Variants in RANBP2 observed in about 807,000 individuals in gnomAD.
RANBP2 encodes the protein E3 SUMO-protein ligase RanBP2.
Under a neutral mutation model 303.6 loss-of-function variants are expected in RANBP2, and 57 were observed. That is an observed-to-expected ratio of 0.19 (90% CI 0.15 to 0.23). The LOEUF is 0.23. RANBP2 is among the 10% of genes least tolerant of loss of function. The probability of loss-of-function intolerance (pLI) is 1.00; values close to 1 mark genes in which losing one functional copy is unlikely to be tolerated. For missense variants in RANBP2, 3,138 were observed against 3,780.8 expected (o/e 0.83, Z 4.46); for synonymous variants, 1,167 against 1,301.5 (o/e 0.90, Z 2.23).
the RANBP2 span, chr2:109,565,715 A>C: frequency 1.4e-6 from 2 of 1,454,648 alleles, no homozygotes; most frequent in South Asian, 2.3e-5. Context: ...GGTAGCTTTG[A>C]GATTACTAGA....
At chr2:109,316,721 A>T in the RANBP2 span, among the ~76,000 whole-genome samples, 11 of 152,174 alleles carry the variant, frequency 7.2e-5, no homozygotes, top group Non-Finnish European at 1.5e-4. Context: ...GGTTTGGACA[A>T]ATCTATAATG....
At chr2:109,614,909 C>T in the RANBP2 span, 1 of 1,451,804 alleles carries the variant, frequency 6.9e-7, no homozygotes, top group South Asian at 1.4e-5. Flanking sequence ...GAGAGCCCCC[C>T]GCCCCCGCGC....
At chr2:109,449,143 C>G in the RANBP2 span, 1 of 1,606,328 alleles carries the variant, frequency 6.2e-7, no homozygotes, top group East Asian at 2.2e-5. Flanking sequence ...ACCTTTCAAC[C>G]TGCTGTCTCT....
At chr2:108,871,370 T>TAAAAAAAAAAAAAAAAAAAAAAAAAA in the RANBP2 span, among the ~76,000 whole-genome samples, 1 of 76,672 alleles carries the variant, frequency 1.3e-5, no homozygotes, top group South Asian at 4.5e-4. Context: ...CCAACTCTAT[T>TAAAAAAAAAAAAAAAAAAAAAAAAAA]AAAAAAAAAA....
At chr2:109,117,735 T>C in the RANBP2 span, among the ~76,000 whole-genome samples, 1 of 121,328 alleles carries the variant, frequency 8.2e-6, no homozygotes, top group Admixed American at 9.8e-5. Context: ...GTCGCTCACG[T>C]TGGGAGCTGT....
chr2:109,486,545 A>G, the RANBP2 span, among the ~76,000 whole-genome samples: 4 of 152,376 alleles, frequency 2.6e-5, no homozygotes, highest in Non-Finnish European at 4.4e-5. Context: ...CCAGATATTG[A>G]TGAGATGCAT....
chr2:109,065,378 G>C, the RANBP2 span, among the ~76,000 whole-genome samples: 2 of 152,026 alleles, frequency 1.3e-5, no homozygotes, highest in Admixed American at 1.3e-4. Flanking sequence ...GCTTATCTTT[G>C]TGTGCGTGTT....
chr2:108,893,996 A>G, the RANBP2 span, among the ~76,000 whole-genome samples: 1 of 151,304 alleles, frequency 6.6e-6, no homozygotes, highest in African/African-American at 2.4e-5. Context: ...TCTGTTATCT[A>G]TCTAGGTTGA....
chr2:109,170,301 T>C, the RANBP2 span, among the ~76,000 whole-genome samples: 66 of 111,214 alleles, frequency 5.9e-4, 2 homozygotes, highest in African/African-American at 2.0e-3. Context: ...TCTCTTCTCT[T>C]CTCTTCTCTT....
At chr2:108,830,198 A>G in the RANBP2 span, among the ~76,000 whole-genome samples, 1 of 152,186 alleles carries the variant, frequency 6.6e-6, no homozygotes, top group South Asian at 2.1e-4. Flanking sequence ...TGCATGCAGT[A>G]CCTAGAATAG....
the RANBP2 span, among the ~76,000 whole-genome samples, chr2:109,102,575 A>AC: frequency 6.6e-6 from 1 of 152,168 alleles, no homozygotes; most frequent in East Asian, 1.9e-4. Flanking sequence ...TAGCACTTAG[A>AC]TATTTTTCTC....
the RANBP2 span, among the ~76,000 whole-genome samples, chr2:109,376,716 C>T: frequency 3.9e-5 from 6 of 152,214 alleles, no homozygotes; most frequent in African/African-American, 1.4e-4. Context: ...TTGGCTGCTC[C>T]CTGTGTTGCT....
At chr2:108,723,737 CTTG>C (rs764811618) in intron 1 of RANBP2, among the ~76,000 whole-genome samples, 10 of 152,012 alleles carry the variant, frequency 6.6e-5, no homozygotes, top group Admixed American at 1.3e-4. Context: ...TTGAATTGCC[CTTG>C]TTGTGCGGTT....
At chr2:109,540,745 G>A in the RANBP2 span, among the ~76,000 whole-genome samples, 1 of 140,876 alleles carries the variant, frequency 7.1e-6, no homozygotes, top group African/African-American at 2.6e-5. Context: ...AGGCTGCAGT[G>A]AGCTATAACT....
the RANBP2 span, among the ~76,000 whole-genome samples, chr2:109,119,102 C>T: frequency 6.6e-6 from 1 of 152,238 alleles, no homozygotes; most frequent in Non-Finnish European, 1.5e-5. Flanking sequence ...CAAGAAATAT[C>T]TGAGAGCTTG....
At chr2:109,058,791 C>T in the RANBP2 span, among the ~76,000 whole-genome samples, 2 of 152,022 alleles carry the variant, frequency 1.3e-5, no homozygotes, top group Non-Finnish European at 2.9e-5. Context: ...AGTTGGTCTC[C>T]AAGGCAGGGC....
At chr2:109,425,644 T>C in the RANBP2 span, among the ~76,000 whole-genome samples, 1 of 152,122 alleles carries the variant, frequency 6.6e-6, no homozygotes, top group African/African-American at 2.4e-5. Flanking sequence ...AGCACACGTG[T>C]TTACAGCATG....
At chr2:109,140,571 C>T in the RANBP2 span, among the ~76,000 whole-genome samples, 5 of 151,784 alleles carry the variant, frequency 3.3e-5, no homozygotes, top group Admixed American at 6.6e-5. Flanking sequence ...TTAGTAGAGA[C>T]GGGGTTTCAC....
the RANBP2 span, among the ~76,000 whole-genome samples, chr2:109,380,932 G>GA: frequency 1.3e-5 from 2 of 152,254 alleles, no homozygotes; most frequent in African/African-American, 4.8e-5. Flanking sequence ...AGCCTTGCCA[G>GA]AAAGAAGCTG....
Sources: gnomAD v4.1 joint callset for allele counts (sites outside exome capture counted in the v4.1 genomes callset) on GRCh38, gnomAD v4.1.1 for gene constraint, MANE v1.5 for transcripts, NCBI Gene and HGNC (gene_info 2026-07-23, HGNC 2026-07-21) for gene names.